DNAAF9: variants seen among roughly 807,000 people sequenced by gnomAD.
The protein encoded by DNAAF9 is shulin.
Under a neutral mutation model 167.0 loss-of-function variants are expected in DNAAF9, and 90 were observed. The ratio of observed to expected loss-of-function variants is 0.54; its 90% confidence interval spans 0.45 to 0.64. The LOEUF is 0.64. Ranked by LOEUF, DNAAF9 falls within the 30% of genes least tolerant of loss-of-function variation. DNAAF9 has a pLI of 0.00. For missense variants in DNAAF9, 1,315 were observed against 1,442.2 expected, an observed-to-expected ratio of 0.91 and a Z score of 1.43; for synonymous variants, 491 against 508.8, an observed-to-expected ratio of 0.96 and a Z score of 0.47.
Position 3,386,764 on chromosome 20 carries a change from TAA to T in DNAAF9, c.84-4260_84-4259del, listed in dbSNP as rs61005893. Among the ~76,000 whole-genome samples, 27 of 139,566 alleles carry T rather than the reference TAA, an allele frequency of 1.9e-4. 1 individual carries two copies. The highest frequency in any genetic ancestry group is 5.7e-4 in the African/African-American group (22 of 38,396). 91.6% of individuals were successfully genotyped at this position (139,566 alleles called of 152,430 possible). On this transcript the variant is annotated intron_variant, in intron 1 of 36. Coordinates refer to ENST00000252032, the MANE Select transcript of DNAAF9 (RefSeq NM_001009984.3). The stretch of plus-strand genomic sequence containing the variant: ...ATAAAGAACTCTCAAAACTCAATGG[TAA>T]AAAAAAAAAAATCCAATTAGAAAAT...
intron 30 of DNAAF9, among the ~76,000 whole-genome samples, chr20:3,269,176 G>T (rs1315675318): frequency 6.6e-6 from 1 of 151,144 alleles, no homozygotes; most frequent in Non-Finnish European, 1.5e-5. Flanking sequence ...CAAAGTGTTG[G>T]GATTACAGGC....
At chr20:3,261,325 C>A (rs1267385333) in intron 31 of DNAAF9, among the ~76,000 whole-genome samples, 3 of 151,988 alleles carry the variant, frequency 2.0e-5, no homozygotes, top group Non-Finnish European at 1.5e-5. Flanking sequence ...CCATGAGTCA[C>A]TGTGCCTAGC....
intron 7 of DNAAF9, among the ~76,000 whole-genome samples, chr20:3,351,730 T>A (rs1289951382): frequency 1.3e-5 from 2 of 152,336 alleles, no homozygotes; most frequent in Non-Finnish European, 2.9e-5. Context: ...GATAGTGTTA[T>A]TCTTGTGGGA....
intron 10 of DNAAF9, among the ~76,000 whole-genome samples, chr20:3,332,907 GTGTGT>G (rs755229907): frequency 7.3e-6 from 1 of 136,776 alleles, no homozygotes; most frequent in Non-Finnish European, 1.7e-5. Flanking sequence ...TGTGGTGTGT[GTGTGT>G]GTGTGTGTGT....
At position 3,259,972 on chromosome 20, in the gene DNAAF9, A is replaced by G. The variant is rs759609254; in HGVS notation, c.2930T>C (p.Val977Ala). 3 of 1,613,294 alleles carry G rather than the reference A, an allele frequency of 1.9e-6. No individual in the cohort carries two copies. The highest frequency in any genetic ancestry group is 2.5e-6 in the Non-Finnish European group (3 of 1,179,182). ...CTTCTCCAAGGGACGGCCAAACCATACGCAGATCTGAACCATTAGGGGATA... is the reference window on the plus strand; with the variant it reads ...CTTCTCCAAGGGACGGCCAAACCATGCGCAGATCTGAACCATTAGGGGATA... Reference protein sequence around the residue: ...SVYPLMVQICVWFGRPLEKTR... With the variant: ...SVYPLMVQICAWFGRPLEKTR... The change falls in exon 32 of 37, where the codon GTA becomes GCA. Residue 977 changes from valine to alanine, a missense_variant. Val to Ala is a moderately conservative substitution (Grantham distance 64, BLOSUM62 0). Around this residue, in one of 2 missense-constraint regions of DNAAF9, gnomAD observed 334 missense variants for 429.7 expected, o/e 0.78. Coordinates refer to ENST00000252032, the MANE Select transcript of DNAAF9 (RefSeq NM_001009984.3).
chr20:3,264,913 A>C (rs374210783), intron 30 of DNAAF9, among the ~76,000 whole-genome samples: 5 of 152,170 alleles, frequency 3.3e-5, no homozygotes, highest in South Asian at 2.1e-4. Flanking sequence ...CATGTCCCCT[A>C]AATACATACA....
At chr20:3,378,886 G>A (rs2083609644) in intron 3 of DNAAF9, among the ~76,000 whole-genome samples, 1 of 147,854 alleles carries the variant, frequency 6.8e-6, no homozygotes, top group South Asian at 2.1e-4. Flanking sequence ...GTAAGGCCCA[G>A]GGTGTTCCAG....
intron 1 of DNAAF9, among the ~76,000 whole-genome samples, chr20:3,402,989 T>A (rs77558149): frequency 6.6e-6 from 1 of 152,170 alleles, no homozygotes; most frequent in Non-Finnish European, 1.5e-5. Context: ...TTTATTTTTT[T>A]ATCATTTCTT....
In DNAAF9 at chr20:3,296,909, G is replaced by C. The variant is rs1349913577; in HGVS notation, c.1970C>G (p.Ser657Cys). The C allele has an allele frequency of 6.2e-7, 1 of 1,611,506 alleles. No homozygotes were observed. Among genetic ancestry groups the C allele is most frequent in the South Asian group, 1.1e-5 (1 of 90,998 alleles). ...TCCATCTTCCTGGATCACTTTTAAA[G>C]AGATCCCTGAGTTATCCTGCTGTTT... ...LWKQQDNSGI[S>C]LKVIQEDGLS... Residue 657 changes from serine (S) to cysteine (C), a missense_variant, in exon 23 of 37, where the codon TCT (serine) becomes TGT (cysteine). By Grantham distance (112) the Ser-to-Cys change is moderately radical (BLOSUM62 -1). Around this residue, in one of 2 missense-constraint regions of DNAAF9, gnomAD observed 981 missense variants for 1,012.5 expected, o/e 0.97. Coordinates refer to ENST00000252032, the MANE Select transcript of DNAAF9 (RefSeq NM_001009984.3).
At chr20:3,395,791 C>A (rs2083899118) in intron 1 of DNAAF9, among the ~76,000 whole-genome samples, 1 of 152,006 alleles carries the variant, frequency 6.6e-6, no homozygotes, top group South Asian at 2.1e-4. Context: ...CTTTAACATT[C>A]TTATTAGGTT....
At chr20:3,378,438 A>G (rs2083604676) in intron 3 of DNAAF9, among the ~76,000 whole-genome samples, 1 of 152,238 alleles carries the variant, frequency 6.6e-6, no homozygotes, top group African/African-American at 2.4e-5. Flanking sequence ...AGATTTAAGG[A>G]ATAGTCTTCA....
chr20:3,357,470 T>TA (rs2083302174), intron 7 of DNAAF9, among the ~76,000 whole-genome samples: 3 of 151,996 alleles, frequency 2.0e-5, no homozygotes, highest in Admixed American at 6.6e-5. Context: ...AGACTCTGTC[T>TA]CAAAAAAATA....
intron 6 of DNAAF9, among the ~76,000 whole-genome samples, chr20:3,368,215 G>A (rs1212664567): frequency 6.6e-6 from 1 of 152,132 alleles, no homozygotes; most frequent in African/African-American, 2.4e-5. Context: ...ACTCCCAGCT[G>A]CATCTCCTAA....
At chr20:3,372,231 G>A (rs2083520023) in intron 6 of DNAAF9, among the ~76,000 whole-genome samples, 1 of 152,228 alleles carries the variant, frequency 6.6e-6, no homozygotes, top group Middle Eastern at 3.2e-3. Flanking sequence ...GAGTGGAGTA[G>A]AGAGGGCACT....
At chr20:3,382,527 G>T (rs774013702) in intron 1 of DNAAF9, 21 bp from the exon 2 acceptor site, 2 of 1,605,630 alleles carry the variant, frequency 1.2e-6, no homozygotes, top group South Asian at 2.2e-5. Context: ...AACAGAAAAT[G>T]GTCCCCTGAG....
chr20:3,351,377 G>A (rs984249768), intron 7 of DNAAF9, among the ~76,000 whole-genome samples: 1 of 152,126 alleles, frequency 6.6e-6, no homozygotes, highest in African/African-American at 2.4e-5. Flanking sequence ...CCAGCTACTG[G>A]AGAGGCTGAG....
intron 2 of DNAAF9, among the ~76,000 whole-genome samples, chr20:3,381,846 T>A (rs942163291): frequency 6.6e-6 from 1 of 152,068 alleles, no homozygotes; most frequent in Non-Finnish European, 1.5e-5. Flanking sequence ...ACACTTGGGA[T>A]CAAACAAAGG....
chr20:3,266,409 C>T (rs777705341), intron 30 of DNAAF9, among the ~76,000 whole-genome samples: 1 of 152,112 alleles, frequency 6.6e-6, no homozygotes, highest in African/African-American at 2.4e-5. Context: ...ATTCATTGAT[C>T]GTTCCCTAAA....
intron 17 of DNAAF9, 92 bp downstream of exon 17, chr20:3,318,197 T>C (rs1223968108): frequency 1.9e-4 from 125 of 644,316 alleles, no homozygotes; most frequent in Non-Finnish European, 3.0e-4. Flanking sequence ...TACCAGTTTA[T>C]TGTTGGCCTT....
Sources: gnomAD v4.1 joint callset for allele counts (sites outside exome capture counted in the v4.1 genomes callset) on GRCh38, gnomAD v4.1.1 for gene constraint, gnomAD v4.1.1 regional missense constraint, MANE v1.5 for transcripts, NCBI Gene and HGNC (gene_info 2026-07-23, HGNC 2026-07-21) for gene names.